The following PRDM6 variants were observed in gnomAD, a reference collection of about 807,000 sequenced individuals.
The protein encoded by PRDM6 is putative histone-lysine N-methyltransferase PRDM6.
A neutral mutation model predicts 60.8 loss-of-function variants in PRDM6; 25 were observed. The ratio of observed to expected loss-of-function variants is 0.41; its 90% CI spans 0.30 to 0.57. PRDM6 has a LOEUF of 0.57. Among genes scored for constraint, PRDM6 ranks in the 20% least tolerant of loss-of-function variants. PRDM6 has a pLI of 0.27. For missense variants in PRDM6, 839 were observed against 821.3 expected, an observed-to-expected ratio of 1.02 and a Z score of -0.26; for synonymous variants, 407 against 357.4, an observed-to-expected ratio of 1.14 and a Z score of -1.57.
chr5:123,159,680 C>G (rs924348027), intron 5 of PRDM6, 42 bp downstream of exon 5: 20 of 1,539,378 alleles, frequency 1.3e-5, no homozygotes, highest in East Asian at 2.5e-5. Context: ...TTCAATATAC[C>G]TATTTCAAAG....
At position 123,161,950 on chromosome 5, in the gene PRDM6, A is replaced by G. The variant is rs1055987680; in HGVS notation, c.1153+2312A>G. ...CAGGGGAGAGATGATGGTGGTTTGG[A>G]CTAGTATGGAAGTGGTGGAGGTGGT... On this transcript the variant is annotated intron_variant, in intron 5 of 7. Coordinates refer to ENST00000407847, the MANE Select transcript of PRDM6 (RefSeq NM_001136239.4). Among the ~76,000 whole-genome samples, 5 of 152,280 alleles carry G rather than the reference A, an allele frequency of 3.3e-5. No homozygotes were observed. The East Asian group carries it at 9.6e-4, about 29-fold the overall frequency.
chr5:123,149,011 G>C (rs6897768), intron 3 of PRDM6, among the ~76,000 whole-genome samples: 2,090 of 152,246 alleles, frequency 0.014, 52 homozygotes, highest in African/African-American at 0.048. Flanking sequence ...CAGTTATACA[G>C]ATAAATAAGT....
At position 123,090,276 on chromosome 5, in the gene PRDM6, ACCTCCGCCT is replaced by A. The variant is rs70988558; in HGVS notation, c.277_285del (p.Ala93_Ser95del). 4.3e-5 allele frequency: 64 copies of A among 1,481,742 alleles called. No homozygotes were observed. Among genetic ancestry groups the A allele is most frequent in the African/African-American group, 1.3e-4 (9 of 67,628 alleles). 91.8% of individuals were successfully genotyped at this position (1,481,742 alleles called of 1,614,324 possible). ...CTCGTCCACGCCGGCTTCCTCTTCC[ACCTCCGCCT>A]CCTCCGCCTCCTCCTGCGCTGCTGC... On this transcript the variant is annotated inframe_deletion, in exon 2 of 8. Coordinates refer to ENST00000407847, the MANE Select transcript of PRDM6 (RefSeq NM_001136239.4).
Position 123,191,255 on chromosome 5 carries a change from G to T in PRDM6, c.*4054G>T, listed in dbSNP as rs1157117769. 6.6e-6 allele frequency: 1 copy of T among 152,068 alleles called. No homozygotes were observed. Among genetic ancestry groups the T allele is most frequent in the East Asian group, 1.9e-4 (1 of 5,188 alleles). 9.4% of individuals were successfully genotyped at this position (152,068 alleles called of 1,614,324 possible). ...GTGCAGAAGTAACATTATTTGTTTT[G>T]CACTAATTTAAAATTTAAAATGCAA... On this transcript the variant is annotated 3_prime_UTR_variant, in exon 8 of 8. Coordinates refer to ENST00000407847, the MANE Select transcript of PRDM6 (RefSeq NM_001136239.4).
At chr5:123,094,986 C>A (rs1309727425) in intron 2 of PRDM6, among the ~76,000 whole-genome samples, 1 of 152,246 alleles carries the variant, frequency 6.6e-6, no homozygotes, top group Non-Finnish European at 1.5e-5. Context: ...AGAGAACGCC[C>A]AGAGCTTTTG....
chr5:123,111,491 G>A (rs973109127), intron 3 of PRDM6, among the ~76,000 whole-genome samples: 1 of 152,172 alleles, frequency 6.6e-6, no homozygotes, highest in South Asian at 2.1e-4. Context: ...GAGGTCAGGA[G>A]ATCGAGACCA....
chr5:123,191,270 T>G lies in PRDM6; in HGVS notation c.*4069T>G, dbSNP rs960662347. ...TATTTGTTTTGCACTAATTTAAAATTTAAAATGCAAGTATCTATTGAGTTG... is the reference window on the plus strand; with the variant it reads ...TATTTGTTTTGCACTAATTTAAAATGTAAAATGCAAGTATCTATTGAGTTG... On this transcript the variant is annotated 3_prime_UTR_variant, in exon 8 of 8. Transcript: ENST00000407847. 6.6e-6 allele frequency: 1 copy of G among 152,172 alleles called. No homozygotes were observed. The highest frequency in any genetic ancestry group is 2.4e-5 in the African/African-American group (1 of 41,446). 9.4% of individuals were successfully genotyped at this position (152,172 alleles called of 1,614,324 possible).
chr5:123,172,841 A>C (rs62377010), intron 6 of PRDM6, among the ~76,000 whole-genome samples: 9,426 of 152,300 alleles, frequency 0.062, 433 homozygotes, highest in Non-Finnish European at 0.096. Context: ...AAACTATTTC[A>C]TGGTAGGTAG....
intron 3 of PRDM6, among the ~76,000 whole-genome samples, chr5:123,151,231 G>C (rs1055294937): frequency 3.3e-5 from 5 of 152,116 alleles, no homozygotes; most frequent in African/African-American, 1.2e-4. Context: ...GCCAGGGTTG[G>C]GAGCATGGGA....
rs1008348703 is a variant in PRDM6, at chr5:123,190,356, T to C, written c.*3155T>C. On this transcript the variant is annotated 3_prime_UTR_variant, in exon 8 of 8. Coordinates refer to ENST00000407847, the MANE Select transcript of PRDM6 (RefSeq NM_001136239.4). The stretch of plus-strand genomic sequence containing the variant: ...AAAATCTCAATATCCCAAGGCAAAG[T>C]TGTATTTTCCCCAGGATATGTGCAT... 2 of 152,184 alleles carry C rather than the reference T, an allele frequency of 1.3e-5. No homozygotes were observed. Among genetic ancestry groups the C allele is most frequent in the African/African-American group, 2.4e-5 (1 of 41,452 alleles). The allele number at this position is 152,184 out of a possible 1,614,324, so 9.4% of individuals were successfully genotyped here. A position where few individuals can be genotyped will look rare whatever the true frequency, so the allele number is the denominator to read the frequency against.
intron 5 of PRDM6, among the ~76,000 whole-genome samples, chr5:123,162,756 C>T (rs1254951339): frequency 6.6e-6 from 1 of 152,158 alleles, no homozygotes; most frequent in Non-Finnish European, 1.5e-5. Flanking sequence ...ATGTGATTGG[C>T]CACCCAAGAA....
chr5:123,098,134 C>A (rs1420478133), intron 2 of PRDM6, among the ~76,000 whole-genome samples: 1 of 152,254 alleles, frequency 6.6e-6, no homozygotes, highest in African/African-American at 2.4e-5. Context: ...GCATTTCGGT[C>A]ATTTCAGCGC....
intron 3 of PRDM6, among the ~76,000 whole-genome samples, chr5:123,127,807 T>C (rs1309746506): frequency 1.3e-5 from 2 of 151,858 alleles, no homozygotes; most frequent in African/African-American, 4.8e-5. Flanking sequence ...CTAGGGTACA[T>C]GTGCATAACG....
intron 6 of PRDM6, among the ~76,000 whole-genome samples, chr5:123,171,814 G>A (rs1368737323): frequency 6.6e-6 from 1 of 152,158 alleles, no homozygotes; most frequent in Non-Finnish European, 1.5e-5. Flanking sequence ...TCTGATGAGT[G>A]GCACAGTAGA....
intron 3 of PRDM6, among the ~76,000 whole-genome samples, chr5:123,137,496 G>A (rs1456760429): frequency 6.6e-6 from 1 of 152,168 alleles, no homozygotes; most frequent in African/African-American, 2.4e-5. Context: ...AGTGTGGTAA[G>A]TTGTTGTATT....
intron 3 of PRDM6, among the ~76,000 whole-genome samples, chr5:123,101,541 A>G (rs1037034962): frequency 2.6e-5 from 4 of 152,246 alleles, no homozygotes; most frequent in Admixed American, 2.0e-4. Flanking sequence ...CTCTAATATC[A>G]TATAGTTAAA....
chr5:123,128,503 A>G (rs1462313099), intron 3 of PRDM6, among the ~76,000 whole-genome samples: 1 of 152,132 alleles, frequency 6.6e-6, no homozygotes, highest in East Asian at 1.9e-4. Context: ...TTTGATTTGC[A>G]TTTCTCTGAT....
At chr5:123,158,100 A>G (rs1299895758) in intron 4 of PRDM6, among the ~76,000 whole-genome samples, 1 of 152,250 alleles carries the variant, frequency 6.6e-6, no homozygotes, top group African/African-American at 2.4e-5. Flanking sequence ...TCGGTGCCTC[A>G]GAAGACCACC....
chr5:123,174,540 T>G (rs1192568483), intron 6 of PRDM6, among the ~76,000 whole-genome samples: 4 of 152,152 alleles, frequency 2.6e-5, no homozygotes, highest in Non-Finnish European at 5.9e-5. Context: ...GAATCTGAGG[T>G]CCAAATGATT....
Sources: allele counts gnomAD v4.1 joint callset (sites outside exome capture counted in the v4.1 genomes callset), GRCh38; gene constraint gnomAD v4.1.1; transcripts MANE v1.5; gene names NCBI Gene and HGNC (gene_info 2026-07-23, HGNC 2026-07-21).